NHSL2: variants seen among roughly 807,000 people sequenced by gnomAD.
The protein encoded by NHSL2 is NHS like 2, also known as NHS-like protein 2.
In NHSL2, 27 loss-of-function variants were observed where a neutral mutation model predicts 53.4. The observed-to-expected ratio is 0.51, with a 90% CI of 0.37 to 0.70. The LOEUF (loss-of-function observed/expected upper bound fraction) is 0.70. NHSL2 is among the 30% of genes least tolerant of loss of function. The pLI is 0.00. For synonymous variants in NHSL2, 408 were observed against 404.1 expected, an observed-to-expected ratio of 1.01 and a Z score of -0.12; for missense variants, 892 against 980.1, an observed-to-expected ratio of 0.91 and a Z score of 1.20.
intron 1 of NHSL2, among the ~76,000 whole-genome samples, chrX:72,080,586 G>A: frequency 9.1e-6 from 1 of 109,662 alleles, no homozygotes. Context: ...GTGTGTGTGT[G>A]TGTGTGTGTG....
At position 72,139,650 on chromosome X, in the gene NHSL2, C is replaced by T. The variant is rs759834490; in HGVS notation, c.2102C>T (p.Ser701Phe). 8.3e-7 allele frequency: 1 copy of T among 1,210,857 alleles called. No individual in the cohort carries two copies. Among genetic ancestry groups the T allele is most frequent in the Non-Finnish European group, 1.1e-6 (1 of 894,915 alleles). The change falls in exon 6 of 8, where the codon TCC (serine) becomes TTC (phenylalanine). Residue 701 changes from serine (S) to phenylalanine (F), a missense_variant. Physicochemically the swap from Ser to Phe is radical, Grantham distance 155. Coordinates refer to ENST00000633930, the MANE Select transcript of NHSL2 (RefSeq NM_001013627.3). ...GAAGTGGAGGCCAGGGAGATATCATCCCCGGGAAGGCCCCCTGGACTGATG... is the reference window on the plus strand; with the variant it reads ...GAAGTGGAGGCCAGGGAGATATCATTCCCGGGAAGGCCCCCTGGACTGATG... ...SIEVEAREIS[S>F]PGRPPGLMSP... is the part of the protein sequence containing the mutation.
At chrX:72,099,289 A>G in intron 1 of NHSL2, among the ~76,000 whole-genome samples, 1 of 111,655 alleles carries the variant, frequency 9.0e-6, no homozygotes, top group East Asian at 2.8e-4. Flanking sequence ...ATATATACAT[A>G]AGTTTGTTTT....
Position 72,144,301 on chromosome X carries a change from T to C in NHSL2, c.*727T>C, listed in dbSNP as rs184720701. 2 of 128,506 alleles carry C rather than the reference T, an allele frequency of 1.6e-5. No homozygotes were observed. Among genetic ancestry groups the C allele is most frequent in the South Asian group, 1.4e-4 (1 of 7,346 alleles). The allele number at this position is 128,506 out of a possible 1,213,427, so 10.6% of individuals were successfully genotyped here. On this transcript the variant is annotated 3_prime_UTR_variant, in exon 8 of 8. Transcript: ENST00000633930. ...CTAGAAAAGACCAGGACTGGGTTGCTTTAAATGAACCAAGCTTGACCAACA... is the reference window on the plus strand; with the variant it reads ...CTAGAAAAGACCAGGACTGGGTTGCCTTAAATGAACCAAGCTTGACCAACA...
chrX:72,012,659 ATAAGG>A lies in NHSL2; in HGVS notation c.280+101296_280+101300del, dbSNP rs200456567. On this transcript the variant is annotated intron_variant, in intron 1 of 7. Coordinates refer to ENST00000633930, the MANE Select transcript of NHSL2 (RefSeq NM_001013627.3). ...ATACTTGCAAAAGCTCATCTTCCAA[ATAAGG>A]TAACATCCCTAGGCTCCGGGAATCA... Among the ~76,000 whole-genome samples, 20 of 112,633 alleles carry A rather than the reference ATAAGG, an allele frequency of 1.8e-4. 1 individual carries two copies. The East Asian group carries it at 5.5e-3, about 31-fold the overall frequency.
chrX:71,921,007 G>A (rs1602259646), intron 1 of NHSL2, among the ~76,000 whole-genome samples: 2 of 109,260 alleles, frequency 1.8e-5, no homozygotes, highest in Admixed American at 1.9e-4. Context: ...GTTTCGCCAT[G>A]TTGGTCAGGC....
At chrX:71,945,964 G>T (rs1418523072) in intron 1 of NHSL2, among the ~76,000 whole-genome samples, 1 of 112,135 alleles carries the variant, frequency 8.9e-6, no homozygotes, top group Non-Finnish European at 1.9e-5. Flanking sequence ...ATGAAATCAG[G>T]ATTTGCTCAA....
At chrX:71,977,703 G>C (rs764472537) in intron 1 of NHSL2, among the ~76,000 whole-genome samples, 1 of 111,652 alleles carries the variant, frequency 9.0e-6, no homozygotes, top group Non-Finnish European at 1.9e-5. Context: ...ATGAGCCACC[G>C]CGCCTGTCTG....
rs1475402753 is a variant in NHSL2, at chrX:71,963,986, T to TAC, written c.280+52620_280+52621insCA. ...ACATATATATATACATATATATATA[T>TAC]ATATATGTATATACATATATATATG... On this transcript the variant is annotated intron_variant, in intron 1 of 7. Transcript: ENST00000633930. 1.5e-4 allele frequency among the ~76,000 whole-genome samples: 10 copies of TAC among 64,696 alleles called. 1 individual carries two copies. The highest frequency in any genetic ancestry group is 6.4e-4 in the African/African-American group (9 of 14,036). The allele number at this position is 64,696 out of a possible 115,157, so 56.2% of individuals were successfully genotyped here. A position where few individuals can be genotyped will look rare whatever the true frequency, so the allele number is the denominator to read the frequency against.
At chrX:72,000,129 G>A (rs1321215601) in intron 1 of NHSL2, among the ~76,000 whole-genome samples, 1 of 111,517 alleles carries the variant, frequency 9.0e-6, no homozygotes, top group Non-Finnish European at 1.9e-5. Flanking sequence ...TTGAGAGCTG[G>A]TTGCTGAACA....
intron 1 of NHSL2, among the ~76,000 whole-genome samples, chrX:72,114,212 T>C (rs1363010965): frequency 3.6e-5 from 4 of 112,308 alleles, no homozygotes; most frequent in African/African-American, 1.3e-4. Context: ...GATTTTTAAC[T>C]ATGTTAAGCA....
intron 1 of NHSL2, among the ~76,000 whole-genome samples, chrX:71,972,180 GCGTGCCAC>G (rs1265827737): frequency 9.1e-6 from 1 of 110,403 alleles, no homozygotes; most frequent in Non-Finnish European, 1.9e-5. Context: ...GATTACAGGT[GCGTGCCAC>G]CATGCCTGGC....
At chrX:72,045,183 A>G (rs1456194157) in intron 1 of NHSL2, among the ~76,000 whole-genome samples, 2 of 112,063 alleles carry the variant, frequency 1.8e-5, no homozygotes, top group African/African-American at 3.3e-5. Context: ...TACAATGTCA[A>G]GAGTCACAGG....
rs750588740 is a variant in NHSL2, at chrX:72,150,682, C to T, written c.*7108C>T. 5 of 112,268 alleles carry T rather than the reference C, an allele frequency of 4.5e-5. No homozygotes were observed. The highest frequency in any genetic ancestry group is 9.4e-5 in the Non-Finnish European group (5 of 53,277). 9.3% of individuals were successfully genotyped at this position (112,268 alleles called of 1,213,427 possible). On this transcript the variant is annotated 3_prime_UTR_variant, in exon 8 of 8. Transcript: ENST00000633930. ...TCTCTCTTTAGTTGGGGCCTCCTTC[C>T]TTAGTACATGCATACCTTACTATTC... is the stretch of plus-strand genomic sequence containing the variant.
chrX:72,099,323 A>G (rs1259067185), intron 1 of NHSL2, among the ~76,000 whole-genome samples: 1 of 98,454 alleles, frequency 1.0e-5, no homozygotes, highest in Non-Finnish European at 2.1e-5. Context: ...TCATTCATCT[A>G]TTTGCCAATT....
intron 1 of NHSL2, among the ~76,000 whole-genome samples, chrX:71,929,266 G>A (rs758781986): frequency 1.8e-5 from 2 of 112,566 alleles, no homozygotes; most frequent in Non-Finnish European, 3.8e-5. Flanking sequence ...AGTAGTATAT[G>A]TGCTTCTTAG....
rs1451569264 is a variant in NHSL2, at chrX:72,148,861, T to TGTGA, written c.*5290_*5291insAGTG. ...GTGTATGTGTGTGTGTGTGTGTGTGTGTGTGTGTGTGTGTGTGTATGTGCA... is the reference window on the plus strand; with the variant it reads ...GTGTATGTGTGTGTGTGTGTGTGTGTGTGAGTGTGTGTGTGTGTGTGTATGTGCA... On this transcript the variant is annotated 3_prime_UTR_variant, in exon 8 of 8. Transcript: ENST00000633930. The TGTGA allele has an allele frequency of 9.3e-6, 1 of 107,478 alleles. No individual in the cohort carries two copies. The highest frequency in any genetic ancestry group is 1.0e-4 in the Admixed American group (1 of 9,935). The allele number at this position is 107,478 out of a possible 1,213,427, so 8.9% of individuals were successfully genotyped here.
chrX:72,009,630 C>G (rs187501446), intron 1 of NHSL2, among the ~76,000 whole-genome samples: 18 of 112,675 alleles, frequency 1.6e-4, no homozygotes, highest in African/African-American at 5.8e-4. Flanking sequence ...TTTCAAGCCC[C>G]AGCCCTCAAC....
Position 72,147,022 on chromosome X carries a change from A to G in NHSL2, c.*3448A>G, listed in dbSNP as rs2042469493. Reference sequence around the variant, plus strand: ...AACGTGCAAAGACAGAGGAGATCCTACCAGGCTCTCCTAACAAGCACTGCA... The same window carrying G: ...AACGTGCAAAGACAGAGGAGATCCTGCCAGGCTCTCCTAACAAGCACTGCA... On this transcript the variant is annotated 3_prime_UTR_variant, in exon 8 of 8. Coordinates refer to ENST00000633930, the MANE Select transcript of NHSL2 (RefSeq NM_001013627.3). 1 of 112,169 alleles carries G rather than the reference A, an allele frequency of 8.9e-6. No individual in the cohort carries two copies. The highest frequency in any genetic ancestry group is 3.7e-4 in the South Asian group (1 of 2,685). 9.2% of individuals were successfully genotyped at this position (112,169 alleles called of 1,213,427 possible).
chrX:72,128,733 C>A (rs1367922512), intron 1 of NHSL2: 1 of 112,812 alleles, frequency 8.9e-6, no homozygotes, highest in Non-Finnish European at 1.9e-5. Context: ...GAGCTCAGAG[C>A]AGGCCATGGG....
Sources: gnomAD v4.1 joint callset for allele counts (sites outside exome capture counted in the v4.1 genomes callset) on GRCh38, gnomAD v4.1.1 for gene constraint, MANE v1.5 for transcripts, NCBI Gene and HGNC (gene_info 2026-07-23, HGNC 2026-07-21) for gene names.